Variants in XIST observed in about 807,000 individuals in gnomAD.
XIST encodes the protein X inactive specific transcript.
exon 1 of XIST, chrX:73,842,349 A>G (rs914270897): frequency 5.4e-6 from 3 of 551,574 alleles, no homozygotes; most frequent in Middle Eastern, 3.1e-4. Context: ...TATAGTGTAC[A>G]CTGGAAACAC....
exon 1 of XIST, chrX:73,852,368 C>T (rs1569512969): frequency 3.7e-6 from 2 of 547,112 alleles, no homozygotes; most frequent in Non-Finnish European, 6.6e-6. Flanking sequence ...ACCAGGTATC[C>T]GCAGCCCCGA....
intron 2 of XIST, among the ~76,000 whole-genome samples, chrX:73,836,906 T>C: frequency 9.0e-6 from 1 of 111,698 alleles, no homozygotes. Context: ...CTGGAACAAT[T>C]TGAACAACAG....
rs1466336039 is a variant in XIST at position 73,846,770 on chromosome X, C to A, written n.5954G>T. 2 of 557,490 alleles carry A rather than the reference C, an allele frequency of 3.6e-6. 1 individual carries two copies. The highest frequency in any genetic ancestry group is 4.5e-5 in the African/African-American group (2 of 44,723). 45.9% of individuals were successfully genotyped at this position (557,490 alleles called of 1,213,427 possible). A position where few individuals can be genotyped will look rare whatever the true frequency, so the allele number is the denominator to read the frequency against. ...CAAGAAATGGGGCCTTAGGTGTCAC[C>A]AACCATGCTGTCCTTCAAAAGGAAG... On this transcript the variant is annotated non_coding_transcript_exon_variant, in exon 1 of 6. Coordinates refer to ENST00000429829, the Ensembl canonical transcript of XIST.
At chrX:73,827,591 C>G in exon 6 of XIST, 1 of 546,604 alleles carries the variant, frequency 1.8e-6, no homozygotes, top group Non-Finnish European at 3.3e-6. Context: ...GGAGGCCAGA[C>G]TCAGAAAAAA....
chrX:73,831,948 C>T (rs1030335056), intron 3 of XIST, among the ~76,000 whole-genome samples: 1 of 112,171 alleles, frequency 8.9e-6, no homozygotes, highest in African/African-American at 3.2e-5. Context: ...CACATGGTAA[C>T]ATTTCTTCAA....
At chrX:73,847,187 T>C (rs769248357) in exon 1 of XIST, 1 of 558,983 alleles carries the variant, frequency 1.8e-6, no homozygotes, top group Non-Finnish European at 3.2e-6. Context: ...AGTATGCACA[T>C]TAACAGTCCA....
At chrX:73,846,500 T>A in exon 1 of XIST, 1 of 559,236 alleles carries the variant, frequency 1.8e-6, no homozygotes, top group Non-Finnish European at 3.2e-6. Flanking sequence ...GCAACCCTTC[T>A]GTATTGCAAA....
chrX:73,827,974 A>C, exon 6 of XIST: 1 of 511,229 alleles, frequency 2.0e-6, no homozygotes, highest in Non-Finnish European at 3.5e-6. Flanking sequence ...AAAGAGACAA[A>C]GAAATACACA....
chrX:73,849,332 C>A (rs762113868), exon 1 of XIST: 1 of 558,981 alleles, frequency 1.8e-6, no homozygotes, highest in Non-Finnish European at 3.2e-6. Flanking sequence ...TTGTCTGCGA[C>A]CCCCTGCTGA....
exon 1 of XIST, chrX:73,852,648 G>C (rs754055229): frequency 1.4e-5 from 7 of 485,070 alleles, no homozygotes; most frequent in African/African-American, 1.2e-4. Context: ...AAATGTTCTA[G>C]AAAGAACCCC....
At chrX:73,847,723 G>A in exon 1 of XIST, 1 of 554,210 alleles carries the variant, frequency 1.8e-6, no homozygotes, top group Admixed American at 2.3e-5. Flanking sequence ...TGCACATTAA[G>A]AGTCATGGAT....
chrX:73,823,484 C>T (rs1055803186), exon 6 of XIST: 1 of 522,441 alleles, frequency 1.9e-6, no homozygotes. Flanking sequence ...CCTCATCTCT[C>T]TTATCCTCAG....
At chrX:73,820,801 AAG>A (rs1491535139) in exon 6 of XIST, 1 of 558,141 alleles carries the variant, frequency 1.8e-6, no homozygotes, top group East Asian at 3.3e-5. Context: ...AAAGACTCAA[AAG>A]AGATTCTGCA....
chrX:73,826,412 G>C (rs764256820), exon 6 of XIST: 7 of 556,195 alleles, frequency 1.3e-5, no homozygotes, highest in Non-Finnish European at 2.3e-5. Flanking sequence ...CTCAAGTGGA[G>C]AAGATGTGAA....
exon 6 of XIST, chrX:73,827,019 T>G: frequency 1.8e-6 from 1 of 559,057 alleles, no homozygotes. Flanking sequence ...CTGAGGCTTC[T>G]ATCTATCTTG....
exon 6 of XIST, chrX:73,825,122 G>T: frequency 1.9e-6 from 1 of 518,192 alleles, no homozygotes; most frequent in East Asian, 3.6e-5. Flanking sequence ...ACCCAGCATG[G>T]TATCTGGCAC....
intron 2 of XIST, among the ~76,000 whole-genome samples, chrX:73,834,501 T>C (rs1194087748): frequency 8.9e-6 from 1 of 112,519 alleles, no homozygotes; most frequent in Admixed American, 9.4e-5. Flanking sequence ...AGTGGTTACA[T>C]TTTGGAACTG....
Position 73,821,786 on chromosome X carries a change from A to G in XIST, n.18115T>C, listed in dbSNP as rs772003938. The stretch of plus-strand genomic sequence containing the variant: ...AAATTTTTCCTTTCAATTTTGGCCA[A>G]TTATTTCCAATTTTTATTTTATTCT... On this transcript the variant is annotated non_coding_transcript_exon_variant, in exon 6 of 6. Coordinates refer to ENST00000429829, the Ensembl canonical transcript of XIST. The G allele has an allele frequency of 5.8e-6, 3 of 513,904 alleles. No homozygotes were observed. In the Middle Eastern group the frequency reaches 9.5e-4, roughly 163 times the overall value. 42.4% of individuals were successfully genotyped at this position (513,904 alleles called of 1,213,427 possible). A position where few individuals can be genotyped will look rare whatever the true frequency, so the allele number is the denominator to read the frequency against.
At chrX:73,833,653 TA>T in intron 2 of XIST, 1 of 177,743 alleles carries the variant, frequency 5.6e-6, no homozygotes, top group Non-Finnish European at 1.0e-5. Context: ...AATTTGTGGC[TA>T]ATGGTCATCC....
Sources: allele counts gnomAD v4.1 joint callset (sites outside exome capture counted in the v4.1 genomes callset), GRCh38; gene constraint gnomAD v4.1.1; transcripts MANE v1.5; gene names NCBI Gene and HGNC (gene_info 2026-07-23, HGNC 2026-07-21).